The following CSGALNACT1 variants were observed in gnomAD, a reference collection of about 807,000 sequenced individuals.
The protein encoded by CSGALNACT1 is chondroitin sulfate N-acetylgalactosaminyltransferase 1.
A neutral mutation model predicts 51.0 loss-of-function variants in CSGALNACT1; 52 were observed. The ratio of observed to expected loss-of-function variants is 1.02; its 90% CI spans 0.82 to 1.29. The LOEUF (loss-of-function observed/expected upper bound fraction) is 1.29. Among genes scored for constraint, CSGALNACT1 ranks in the 50% most tolerant of loss-of-function variants. The pLI is 0.00. For missense variants in CSGALNACT1, 935 were observed against 679.2 expected, an observed-to-expected ratio of 1.38 and a Z score of -4.19; for synonymous variants, 341 against 254.4, an observed-to-expected ratio of 1.34 and a Z score of -3.24.
chr8:19,441,671 T>C (rs2061351481), intron 5 of CSGALNACT1, among the ~76,000 whole-genome samples: 1 of 152,218 alleles, frequency 6.6e-6, no homozygotes, highest in Admixed American at 6.5e-5. Context: ...AAGGACTTCA[T>C]GTCTAAAACA....
chr8:19,525,854 C>A (rs2958580), intron 3 of CSGALNACT1, among the ~76,000 whole-genome samples: 6 of 152,050 alleles, frequency 3.9e-5, no homozygotes, highest in Non-Finnish European at 7.4e-5. Context: ...AGGGGTGGCT[C>A]TATTTTGCTG....
upstream of CSGALNACT1, among the ~76,000 whole-genome samples, chr8:19,686,945 G>C (rs2154212533): frequency 6.6e-6 from 1 of 152,284 alleles, no homozygotes; most frequent in African/African-American, 2.4e-5. Flanking sequence ...TTCCCTCTCA[G>C]CCTTGGCACA....
intron 3 of CSGALNACT1, chr8:19,532,067 G>A (rs532318723): frequency 5.9e-5 from 9 of 152,140 alleles, no homozygotes; most frequent in African/African-American, 2.2e-4. Context: ...TGAATGCCAT[G>A]GTGTACTGTA....
chr8:19,599,819 A>C (rs60426542), intron 2 of CSGALNACT1, among the ~76,000 whole-genome samples: 74,027 of 152,056 alleles, frequency 0.49, 18,760 homozygotes, highest in East Asian at 0.68. Flanking sequence ...ACTTCACCAG[A>C]CTTGAAAGAA....
In CSGALNACT1 at chr8:19,597,285, C is replaced by CTTTTTTTTTTTTTTTTTTTTTTTTT. The variant is rs35177349; in HGVS notation, c.-416+4461_-416+4485dup. 2.3e-4 allele frequency among the ~76,000 whole-genome samples: 15 copies of CTTTTTTTTTTTTTTTTTTTTTTTTT among 64,528 alleles called. 2 individuals carry two copies. Among genetic ancestry groups the CTTTTTTTTTTTTTTTTTTTTTTTTT allele is most frequent in the African/African-American group, 9.7e-4 (14 of 14,384 alleles). 42.3% of individuals were successfully genotyped at this position (64,528 alleles called of 152,430 possible). On this transcript the variant is annotated intron_variant, in intron 2 of 9. Coordinates refer to ENST00000454498, the Ensembl canonical transcript of CSGALNACT1. The stretch of plus-strand genomic sequence containing the variant: ...GGTTGGGGCTGCCTCTATCTTCTTT[C>CTTTTTTTTTTTTTTTTTTTTTTTTT]TTTTTTTTTTTTTTTTTTTTTTTTT...
intron 1 of CSGALNACT1, among the ~76,000 whole-genome samples, chr8:19,668,211 G>A (rs1255605838): frequency 6.6e-6 from 1 of 152,052 alleles, no homozygotes; most frequent in African/African-American, 2.4e-5. Flanking sequence ...TCTCATCACT[G>A]CTTTCCTCTG....
chr8:19,519,050 C>G (rs554897824), intron 3 of CSGALNACT1, among the ~76,000 whole-genome samples: 4 of 152,270 alleles, frequency 2.6e-5, no homozygotes, highest in Admixed American at 1.3e-4. Context: ...TGACCAGGTA[C>G]CAGCTGATGG....
intron 5 of CSGALNACT1, among the ~76,000 whole-genome samples, chr8:19,454,768 A>G (rs937536522): frequency 6.0e-5 from 9 of 151,080 alleles, no homozygotes; most frequent in African/African-American, 2.2e-4. Context: ...GAAATGTTTC[A>G]ATCAAACTTA....
At chr8:19,602,894 G>A (rs117862405), upstream of CSGALNACT1, 3,099 of 152,006 alleles carry the variant, frequency 0.02, 43 homozygotes, top group Non-Finnish European at 0.031. Flanking sequence ...CCTCCTTCCC[G>A]AGTTGTCAGG....
At chr8:19,476,288 G>C (rs2069610158) in intron 4 of CSGALNACT1, among the ~76,000 whole-genome samples, 1 of 152,270 alleles carries the variant, frequency 6.6e-6, no homozygotes, top group East Asian at 1.9e-4. Context: ...TGCCTAGGTA[G>C]AGTTCAATGG....
chr8:19,498,026 A>G (rs1376962519), intron 4 of CSGALNACT1, among the ~76,000 whole-genome samples: 1 of 152,164 alleles, frequency 6.6e-6, no homozygotes, highest in Non-Finnish European at 1.5e-5. Context: ...TAAAATGTAT[A>G]AAGCCAAACT....
chr8:19,486,359 T>C (rs2072938310), intron 4 of CSGALNACT1, among the ~76,000 whole-genome samples: 1 of 152,124 alleles, frequency 6.6e-6, no homozygotes, highest in Non-Finnish European at 1.5e-5. Flanking sequence ...AAGTCTATTC[T>C]CAACACAACC....
chr8:19,736,297 A>T (rs770137629), intron 1 of CSGALNACT1, among the ~76,000 whole-genome samples: 1 of 152,174 alleles, frequency 6.6e-6, no homozygotes, highest in Non-Finnish European at 1.5e-5. Context: ...CTTTTTTCCT[A>T]TGACGACAGA....
intron 1 of CSGALNACT1, among the ~76,000 whole-genome samples, chr8:19,751,692 C>T (rs578052684): frequency 3.3e-5 from 5 of 152,092 alleles, no homozygotes; most frequent in Non-Finnish European, 5.9e-5. Context: ...TGAATCATAG[C>T]GGCAGACTTC....
intron 1 of CSGALNACT1, among the ~76,000 whole-genome samples, chr8:19,618,629 CAAAAAAAAAAAAAAAAAAA>C (rs60787326): frequency 1.6e-5 from 1 of 64,034 alleles, no homozygotes; most frequent in Admixed American, 2.5e-4. Context: ...AATACTCCAT[CAAAAAAAAAAAAAAAAAAA>C]AAAAAAAAGA....
chr8:19,413,857 C>G (rs1204107560), intron 8 of CSGALNACT1, among the ~76,000 whole-genome samples: 1 of 152,164 alleles, frequency 6.6e-6, no homozygotes, highest in Non-Finnish European at 1.5e-5. Context: ...AGCAGGTGTG[C>G]TCACCTGGCA....
chr8:19,650,245 T>C (rs1195926649), intron 1 of CSGALNACT1, among the ~76,000 whole-genome samples: 1 of 152,200 alleles, frequency 6.6e-6, no homozygotes, highest in Non-Finnish European at 1.5e-5. Context: ...TAGAATCAAA[T>C]TGAAACTATT....
Position 19,610,969 on chromosome 8 carries a change from C to T in CSGALNACT1, c.-543-9104G>A, listed in dbSNP as rs563352113. Among the ~76,000 whole-genome samples the T allele has an allele frequency of 2.6e-4, 40 of 152,342 alleles. No homozygotes were observed. In the South Asian group the frequency reaches 7.9e-3, roughly 30 times the overall value. ...ACCCCGAGACGTGGGGCGGGAGCCC[C>T]GCAGCCTGCCCGTCTGTATGCCCCT... On this transcript the variant is annotated intron_variant, in intron 1 of 9. Transcript: ENST00000332246.
chr8:19,570,484 CACAA>C (rs2042785507), intron 3 of CSGALNACT1, among the ~76,000 whole-genome samples: 1 of 152,118 alleles, frequency 6.6e-6, no homozygotes, highest in Non-Finnish European at 1.5e-5. Context: ...CTAATCCGGA[CACAA>C]ACAGAGAGCA....
Sources: gnomAD v4.1 joint callset for allele counts (sites outside exome capture counted in the v4.1 genomes callset) on GRCh38, gnomAD v4.1.1 for gene constraint, MANE v1.5 for transcripts, NCBI Gene and HGNC (gene_info 2026-07-23, HGNC 2026-07-21) for gene names.